The following ADCYAP1 variants were observed in gnomAD, a reference collection of about 807,000 sequenced individuals.
ADCYAP1 encodes adenylate cyclase activating polypeptide 1, also known as pituitary adenylate cyclase-activating polypeptide.
Under a neutral mutation model 18.5 loss-of-function variants are expected in ADCYAP1, and 6 were observed. That is an observed-to-expected ratio of 0.32 (90% CI 0.18 to 0.64). The LOEUF is 0.64. ADCYAP1 is among the 30% of genes least tolerant of loss of function. The probability of loss-of-function intolerance (pLI) is 0.77; values close to 1 mark genes in which losing one functional copy is unlikely to be tolerated. For missense variants in ADCYAP1, 314 were observed against 253.6 expected (o/e 1.24, Z -1.62); for synonymous variants, 136 against 113.9 (o/e 1.19, Z -1.24).
chr18:905,365 C>T (rs766609304), intron 1 of ADCYAP1, 21 bp from the exon 2 acceptor site: 1 of 1,611,732 alleles, frequency 6.2e-7, no homozygotes. Context: ...AGCTGTGTGT[C>T]CTCTTTCCCA....
At chr18:908,147 A>T in intron 3 of ADCYAP1, 118 bp from the exon 4 acceptor site, 1 of 873,412 alleles carries the variant, frequency 1.1e-6, no homozygotes, top group Non-Finnish European at 1.8e-6. Flanking sequence ...GGGCCTCTGG[A>T]GGTTTCCCTG....
chr18:907,336 G>C (rs541665321), intron 2 of ADCYAP1, among the ~76,000 whole-genome samples: 1 of 152,168 alleles, frequency 6.6e-6, no homozygotes, highest in African/African-American at 2.4e-5. Context: ...AGGCGGGGAG[G>C]GGGGCGGTCC....
rs753948563 is a variant in ADCYAP1, at chr18:909,502, C to A, written c.398C>A (p.Ser133Ter). The A allele has an allele frequency of 1.9e-6, 3 of 1,613,738 alleles. No homozygotes were observed. The highest frequency in any genetic ancestry group is 8.5e-7 in the Non-Finnish European group (1 of 1,179,974). The part of the protein sequence containing the change: ...DDAEPLSKRH[S>*]DGIFTDSYSR... ...GCGGAGCCGCTCTCCAAGCGCCACTCGGACGGGATCTTCACGGACAGCTAC... is the reference window on the plus strand; with the variant it reads ...GCGGAGCCGCTCTCCAAGCGCCACTAGGACGGGATCTTCACGGACAGCTAC... Residue 133 changes from serine to a stop codon, truncating the protein, a stop_gained, in exon 5 of 5, where the codon TCG becomes TAG. Transcript: ENST00000450565. LOFTEE classifies it high-confidence loss of function.
rs2231186 is a variant in ADCYAP1, at chr18:908,470, G to C, written c.341+107G>C. On this transcript the variant is annotated intron_variant, in intron 4 of 4. Coordinates refer to ENST00000450565, the MANE Select transcript of ADCYAP1 (RefSeq NM_001099733.2). ...CCCGTGGGGGCCAGGGTGAGTCTGC[G>C]CCCCTGGGTCTGGGGTGGGCATCCG... 7 of 886,886 alleles carry C rather than the reference G, an allele frequency of 7.9e-6. No homozygotes were observed. The African/African-American group carries it at 1.2e-4, about 15-fold the overall frequency. 54.9% of individuals were successfully genotyped at this position (886,886 alleles called of 1,614,324 possible).
At chr18:908,063 C>T (rs2143118496) in intron 3 of ADCYAP1, 2 of 679,772 alleles carry the variant, frequency 2.9e-6, no homozygotes, top group South Asian at 4.4e-5. Context: ...GCATCTGCCA[C>T]TCCTAGAGCC....
At chr18:907,588 T>C in intron 2 of ADCYAP1, 71 bp from the exon 3 acceptor site, 1 of 1,487,850 alleles carries the variant, frequency 6.7e-7, no homozygotes, top group Admixed American at 2.1e-5. Flanking sequence ...GCGAGCCCCT[T>C]ACTTTGGATC....
rs1360604973 is a variant in ADCYAP1 at position 909,573 on chromosome 18, G to A, written c.469G>A (p.Val157Ile). 6.2e-7 allele frequency: 1 copy of A among 1,614,046 alleles called. No homozygotes were observed. The highest frequency in any genetic ancestry group is 1.7e-5 in the Admixed American group (1 of 60,004). ...GGCTGTCAAGAAATACTTGGCGGCC[G>A]TCCTAGGGAAGAGGTATAAACAAAG... Reference protein sequence around the residue: ...QMAVKKYLAAVLGKRYKQRVK... With the variant: ...QMAVKKYLAAILGKRYKQRVK... Residue 157 changes from valine (V) to isoleucine (I), a missense_variant, in exon 5 of 5, where the codon GTC becomes ATC. Coordinates refer to ENST00000450565, the MANE Select transcript of ADCYAP1 (RefSeq NM_001099733.2).
At position 908,313 on chromosome 18, in the gene ADCYAP1, C is replaced by G; in HGVS notation, c.291C>G (p.Asp97Glu). ...ACGAGGCCTACCGCAAAGTGCTGGA[C>G]CAGCTGTCCGCCGGGAAGCACCTGC... is the stretch of plus-strand genomic sequence containing the variant. ...ILNEAYRKVLDQLSAGKHLQS... is the reference protein window; with the variant it reads ...ILNEAYRKVLEQLSAGKHLQS... The change falls in exon 4 of 5, where the codon GAC becomes GAG. Residue 97 changes from aspartate (D) to glutamate (E), a missense_variant. Physicochemically the swap from Asp to Glu is conservative, Grantham distance 45. Coordinates refer to ENST00000450565, the MANE Select transcript of ADCYAP1 (RefSeq NM_001099733.2). 6.2e-7 allele frequency: 1 copy of G among 1,613,386 alleles called. No individual in the cohort carries two copies.
intron 4 of ADCYAP1, 76 bp from the exon 5 acceptor site, chr18:909,370 G>C: frequency 6.9e-7 from 1 of 1,457,552 alleles, no homozygotes; most frequent in Non-Finnish European, 9.3e-7. Flanking sequence ...CGTGGGGTGG[G>C]GCCCGCCTGC....
chr18:905,282 G>A, intron 1 of ADCYAP1, 104 bp from the exon 2 acceptor site: 2 of 1,527,728 alleles, frequency 1.3e-6, no homozygotes, highest in Non-Finnish European at 1.7e-6. Flanking sequence ...GGGAGCCGGG[G>A]CTTCGCTCCG....
chr18:911,874 T>A lies in ADCYAP1; in HGVS notation c.*2239T>A, dbSNP rs927439595. 1.3e-5 allele frequency: 2 copies of A among 152,226 alleles called. No homozygotes were observed. Among genetic ancestry groups the A allele is most frequent in the Non-Finnish European group, 2.9e-5 (2 of 68,036 alleles). The allele number at this position is 152,226 out of a possible 1,614,324, so 9.4% of individuals were successfully genotyped here. On this transcript the variant is annotated 3_prime_UTR_variant, in exon 5 of 5. Transcript: ENST00000450565. Reference sequence around the variant, plus strand: ...AAATAGGGCTCTAGTTAACCTTTTATTTATGAAGTCTAATTTAGTGTTCCC... The same window carrying A: ...AAATAGGGCTCTAGTTAACCTTTTAATTATGAAGTCTAATTTAGTGTTCCC...
chr18:905,242 A>G (rs2143101970), intron 1 of ADCYAP1, 144 bp from the exon 2 acceptor site: 1 of 1,474,724 alleles, frequency 6.8e-7, no homozygotes, highest in South Asian at 1.4e-5. Flanking sequence ...CAGGGCGCGC[A>G]CCGGCTGTCG....
Position 909,715 on chromosome 18 carries a change from C to T in ADCYAP1, c.*80C>T. 4.7e-6 allele frequency: 6 copies of T among 1,271,850 alleles called. No homozygotes were observed. In the South Asian group the frequency reaches 8.6e-5, roughly 18 times the overall value. The allele number at this position is 1,271,850 out of a possible 1,614,324, so 78.8% of individuals were successfully genotyped here. On this transcript the variant is annotated 3_prime_UTR_variant, in exon 5 of 5. Coordinates refer to ENST00000450565, the MANE Select transcript of ADCYAP1 (RefSeq NM_001099733.2). ...TTCCAAACTGACTCAACAGTCATCGCTCGTGTGTTCTATCCAAACATGTAT... is the reference window on the plus strand; with the variant it reads ...TTCCAAACTGACTCAACAGTCATCGTTCGTGTGTTCTATCCAAACATGTAT...
Position 909,806 on chromosome 18 carries a change from G to A in ADCYAP1, c.*171G>A. 1 of 395,940 alleles carries A rather than the reference G, an allele frequency of 2.5e-6. No homozygotes were observed. The highest frequency in any genetic ancestry group is 4.3e-6 in the Non-Finnish European group (1 of 232,486). 24.5% of individuals were successfully genotyped at this position (395,940 alleles called of 1,614,324 possible). On this transcript the variant is annotated 3_prime_UTR_variant, in exon 5 of 5. Transcript: ENST00000450565. ...ATAATATTGTTTTTCTTTCTACAAAGCACTAGAGAATGCACAGATATACTT... is the reference window on the plus strand; with the variant it reads ...ATAATATTGTTTTTCTTTCTACAAAACACTAGAGAATGCACAGATATACTT...
rs1482590642 is a variant in ADCYAP1 at position 908,280 on chromosome 18, G to A, written c.258G>A (p.Gly86=). 6.2e-7 allele frequency: 1 copy of A among 1,612,492 alleles called. No individual in the cohort carries two copies. The highest frequency in any genetic ancestry group is 1.3e-5 in the African/African-American group (1 of 74,886). Residue 86 remains glycine (G), a synonymous_variant, in exon 4 of 5, where the codon GGG becomes GGA. Transcript: ENST00000450565. ...TCCCCGTTAGAGATGTCGCCCACGG[G>A]ATCCTTAACGAGGCCTACCGCAAAG... The part of the protein sequence containing the change: ...RPAGRRDVAH[G]ILNEAYRKVL...
rs1909231919 is a variant in ADCYAP1 at position 907,770 on chromosome 18, G to T, written c.222G>T (p.Trp74Cys). Reference protein sequence around the residue: ...PASAPRAAAAWYRPAGRRDVA... With the variant: ...PASAPRAAAACYRPAGRRDVA... ...CCGCGCCGCGCGCCGCCGCCGCCTG[G>T]TACCGCCCGGCCGGGAGAAGGTGAG... The change falls in exon 3 of 5, where the codon TGG becomes TGT. Residue 74 changes from tryptophan to cysteine, a missense_variant. Trp to Cys is a radical substitution (Grantham distance 215). Transcript: ENST00000450565. 1.4e-6 allele frequency: 2 copies of T among 1,454,652 alleles called. No homozygotes were observed. The allele number at this position is 1,454,652 out of a possible 1,614,324, so 90.1% of individuals were successfully genotyped here.
chr18:906,838 G>T (rs917363550), intron 2 of ADCYAP1, among the ~76,000 whole-genome samples: 2 of 152,256 alleles, frequency 1.3e-5, no homozygotes, highest in Non-Finnish European at 2.9e-5. Flanking sequence ...CCAGGCACTC[G>T]CTGGATCTCG....
At position 907,737 on chromosome 18, in the gene ADCYAP1, C is replaced by A; in HGVS notation, c.189C>A (p.Ser63Arg). Residue 63 changes from serine (S) to arginine (R), a missense_variant, in exon 3 of 5, where the codon AGC becomes AGA. Coordinates refer to ENST00000450565, the MANE Select transcript of ADCYAP1 (RefSeq NM_001099733.2). ...GCTCGGAGCCGCCGGGCGCAGGGAG[C>A]CCCGCCTCCGCGCCGCGCGCCGCCG... ...FDGSEPPGAG[S>R]PASAPRAAAA... 1.3e-6 allele frequency: 2 copies of A among 1,520,652 alleles called. No homozygotes were observed. The highest frequency in any genetic ancestry group is 2.4e-5 in the South Asian group (2 of 82,556). 94.2% of individuals were successfully genotyped at this position (1,520,652 alleles called of 1,614,324 possible). A position where few individuals can be genotyped will look rare whatever the true frequency, so the allele number is the denominator to read the frequency against.
chr18:909,100 C>T (rs2143124071), intron 4 of ADCYAP1, among the ~76,000 whole-genome samples: 1 of 152,296 alleles, frequency 6.6e-6, no homozygotes, highest in African/African-American at 2.4e-5. Flanking sequence ...GTGAGAGGAA[C>T]AGCGAGGACA....
Sources: allele counts gnomAD v4.1 joint callset (sites outside exome capture counted in the v4.1 genomes callset), GRCh38; gene constraint gnomAD v4.1.1; transcripts MANE v1.5; gene names NCBI Gene and HGNC (gene_info 2026-07-23, HGNC 2026-07-21).